The following UMAD1 variants were observed in gnomAD, a reference collection of about 807,000 sequenced individuals.
The protein encoded by UMAD1 is UBAP1-MVB12-associated (UMA) domain containing 1.
In UMAD1, 8 loss-of-function variants were observed where a neutral mutation model predicts 6.1. That is an observed-to-expected ratio of 1.30 (90% CI 0.76 to 2.35). The LOEUF (loss-of-function observed/expected upper bound fraction) is 2.35. Among genes scored for constraint, UMAD1 ranks in the 30% most tolerant of loss-of-function variants. The probability of loss-of-function intolerance (pLI) is 0.00; values close to 1 mark genes in which losing one functional copy is unlikely to be tolerated. For synonymous variants in UMAD1, 56 were observed against 31.4 expected, an observed-to-expected ratio of 1.78 and a Z score of -2.61; for missense variants, 130 against 78.4, an observed-to-expected ratio of 1.66 and a Z score of -2.49.
chr7:7,852,110 A>C (rs188103409), intron 3 of UMAD1, among the ~76,000 whole-genome samples: 41 of 152,328 alleles, frequency 2.7e-4, no homozygotes, highest in African/African-American at 8.4e-4. Flanking sequence ...TGTCCCAGCA[A>C]TATTTGTTAA....
intron 1 of UMAD1, among the ~76,000 whole-genome samples, chr7:7,641,981 G>A (rs1365290011): frequency 1.3e-5 from 2 of 152,220 alleles, no homozygotes; most frequent in Non-Finnish European, 2.9e-5. Flanking sequence ...GATGTAGAAT[G>A]TGTGTCAGTG....
At chr7:7,750,536 C>G (rs1382385089) in intron 2 of UMAD1, among the ~76,000 whole-genome samples, 1 of 152,126 alleles carries the variant, frequency 6.6e-6, no homozygotes, top group African/African-American at 2.4e-5. Flanking sequence ...TTAATGACGG[C>G]CCATTTTATA....
At chr7:7,759,961 C>T (rs1184740311) in intron 2 of UMAD1, among the ~76,000 whole-genome samples, 14 of 152,144 alleles carry the variant, frequency 9.2e-5, no homozygotes, top group Admixed American at 9.2e-4. Flanking sequence ...TGTCGACGCC[C>T]CCTCCTCTTG....
intron 1 of UMAD1, among the ~76,000 whole-genome samples, chr7:7,653,214 T>C (rs1360194533): frequency 6.6e-6 from 1 of 152,234 alleles, no homozygotes; most frequent in Admixed American, 6.5e-5. Context: ...AGTAGTGTTA[T>C]TTACACTCAA....
At chr7:7,730,471 C>A (rs1781225987) in intron 2 of UMAD1, among the ~76,000 whole-genome samples, 1 of 151,904 alleles carries the variant, frequency 6.6e-6, no homozygotes, top group Non-Finnish European at 1.5e-5. Flanking sequence ...CTTGTCTCAT[C>A]CAGTTCTCGT....
intron 2 of UMAD1, among the ~76,000 whole-genome samples, chr7:7,776,122 T>C (rs1328830274): frequency 6.6e-6 from 1 of 152,174 alleles, no homozygotes; most frequent in Non-Finnish European, 1.5e-5. Flanking sequence ...TTTTATAGTA[T>C]GTAAATTATC....
intron 3 of UMAD1, among the ~76,000 whole-genome samples, chr7:7,869,413 C>T (rs1367690422): frequency 6.6e-6 from 1 of 152,164 alleles, no homozygotes. Flanking sequence ...CTTTTTGTAA[C>T]TTGTTTTCTA....
At chr7:7,817,477 T>C (rs1214753890) in intron 3 of UMAD1, among the ~76,000 whole-genome samples, 1 of 152,252 alleles carries the variant, frequency 6.6e-6, no homozygotes. Context: ...GCTAGAGTAA[T>C]GGGAATATAT....
At chr7:7,779,664 A>AT (rs760268778) in intron 2 of UMAD1, among the ~76,000 whole-genome samples, 2 of 151,576 alleles carry the variant, frequency 1.3e-5, no homozygotes, top group Non-Finnish European at 2.9e-5. Context: ...TTTATTTTTG[A>AT]GACAGGGTCT....
intron 1 of UMAD1, among the ~76,000 whole-genome samples, chr7:7,672,593 C>T (rs558465853): frequency 5.7e-4 from 87 of 152,266 alleles, no homozygotes; most frequent in Non-Finnish European, 9.7e-4. Context: ...TCATGTTGTT[C>T]TCGTGATAGT....
At chr7:7,754,354 C>T (rs1324491685) in intron 2 of UMAD1, among the ~76,000 whole-genome samples, 1 of 152,172 alleles carries the variant, frequency 6.6e-6, no homozygotes, top group Non-Finnish European at 1.5e-5. Context: ...CTCTGGTGAT[C>T]AGTGATGTTG....
At chr7:7,683,038 C>T (rs1284924472) in intron 2 of UMAD1, among the ~76,000 whole-genome samples, 1 of 152,212 alleles carries the variant, frequency 6.6e-6, no homozygotes, top group Non-Finnish European at 1.5e-5. Flanking sequence ...GTACACCACC[C>T]TTCCTTAACT....
intron 2 of UMAD1, among the ~76,000 whole-genome samples, chr7:7,793,951 A>T (rs78717122): frequency 0.06 from 9,179 of 151,900 alleles, 386 homozygotes; most frequent in Non-Finnish European, 0.087. Context: ...TCGAAAAAAA[A>T]TTTTTTTTTA....
intron 2 of UMAD1, among the ~76,000 whole-genome samples, chr7:7,686,212 A>G (rs1420882199): frequency 6.6e-6 from 1 of 152,196 alleles, no homozygotes; most frequent in Non-Finnish European, 1.5e-5. Context: ...GTAAAGTTAT[A>G]TAGCTTCAGA....
intron 2 of UMAD1, among the ~76,000 whole-genome samples, chr7:7,781,704 A>G (rs1227586051): frequency 6.6e-6 from 1 of 152,042 alleles, no homozygotes; most frequent in Admixed American, 6.5e-5. Flanking sequence ...TGTGAAAGCT[A>G]TTGTATCTTC....
At chr7:7,734,758 G>T (rs185272024) in intron 2 of UMAD1, among the ~76,000 whole-genome samples, 113 of 152,024 alleles carry the variant, frequency 7.4e-4, no homozygotes, top group African/African-American at 2.4e-3. Flanking sequence ...CCATTAATTT[G>T]CATTAACCAC....
At chr7:7,677,664 G>GTTTTT (rs141602455) in intron 2 of UMAD1, among the ~76,000 whole-genome samples, 1 of 113,500 alleles carries the variant, frequency 8.8e-6, no homozygotes, top group African/African-American at 3.6e-5. Flanking sequence ...CTGTTTTTTT[G>GTTTTT]TTTTTTTTTT....
chr7:7,803,399 C>T (rs531154404), intron 3 of UMAD1, among the ~76,000 whole-genome samples: 2 of 152,218 alleles, frequency 1.3e-5, no homozygotes, highest in South Asian at 2.1e-4. Flanking sequence ...TGCTTGAGCC[C>T]GGGAATTCAA....
chr7:7,789,813 T>C (rs766035363), intron 2 of UMAD1, among the ~76,000 whole-genome samples: 1 of 152,246 alleles, frequency 6.6e-6, no homozygotes, highest in Non-Finnish European at 1.5e-5. Context: ...AATATTCTAC[T>C]GTATGTTTAT....
Sources: allele counts gnomAD v4.1 joint callset (sites outside exome capture counted in the v4.1 genomes callset), GRCh38; gene constraint gnomAD v4.1.1; transcripts MANE v1.5; gene names NCBI Gene and HGNC (gene_info 2026-07-23, HGNC 2026-07-21).